Variants in PMPCB observed in about 807,000 individuals in gnomAD.
PMPCB encodes mitochondrial-processing peptidase subunit beta.
In PMPCB, 46 loss-of-function variants were observed where a neutral mutation model predicts 61.5. The ratio of observed to expected loss-of-function variants is 0.75; its 90% CI spans 0.59 to 0.96. The LOEUF (loss-of-function observed/expected upper bound fraction) is 0.96. Ranked by LOEUF, PMPCB falls within the 40% of genes least tolerant of loss-of-function variation. The probability of loss-of-function intolerance (pLI) is 0.00; values close to 1 mark genes in which losing one functional copy is unlikely to be tolerated. For synonymous variants in PMPCB, 191 were observed against 201.6 expected (o/e 0.95, Z 0.44); for missense variants, 590 against 602.4 (o/e 0.98, Z 0.22).
chr7:103,301,976 G>A (rs939350654), intron 4 of PMPCB, among the ~76,000 whole-genome samples: 4 of 151,876 alleles, frequency 2.6e-5, no homozygotes, highest in African/African-American at 7.3e-5. Context: ...GACAGGCTCC[G>A]GTGTGTGATG....
the PMPCB span, among the ~76,000 whole-genome samples, chr7:103,345,606 A>ATT: frequency 2.0e-5 from 3 of 149,792 alleles, no homozygotes; most frequent in Non-Finnish European, 3.0e-5. Flanking sequence ...TTTTAAATAT[A>ATT]TTATATATAT....
chr7:103,327,265 C>T, intron 12 of PMPCB: 1 of 856,346 alleles, frequency 1.2e-6, no homozygotes, highest in South Asian at 1.5e-5. Flanking sequence ...ACAGTTTAGT[C>T]CCATAAAGCA....
chr7:103,333,787 G>A (rs919454858), downstream of PMPCB, among the ~76,000 whole-genome samples: 11 of 152,128 alleles, frequency 7.2e-5, no homozygotes, highest in Admixed American at 5.2e-4. Flanking sequence ...CATGGTTTGA[G>A]ATTCATCCAT....
downstream of PMPCB, chr7:103,314,755 CT>C: frequency 1.6e-6 from 1 of 624,806 alleles, no homozygotes; most frequent in South Asian, 7.0e-5. Flanking sequence ...AGTCTCATAT[CT>C]TTAAGTTGAA....
At chr7:103,318,060 G>C (rs1021708313), downstream of PMPCB, among the ~76,000 whole-genome samples, 3 of 152,184 alleles carry the variant, frequency 2.0e-5, no homozygotes, top group African/African-American at 7.2e-5. Context: ...GTTAATCAAA[G>C]ATTTGCAGTA....
At position 103,312,585 on chromosome 7, in the gene PMPCB, C is replaced by T; in HGVS notation, c.*314C>T. On this transcript the variant is annotated 3_prime_UTR_variant, in exon 13 of 13. Coordinates refer to ENST00000249269, the MANE Select transcript of PMPCB (RefSeq NM_004279.3). Reference sequence around the variant, plus strand: ...CAAAGATTGTCATTTCTTGGCTCTACTTGCATTCAGCACTTGTTCTTGAGC... The same window carrying T: ...CAAAGATTGTCATTTCTTGGCTCTATTTGCATTCAGCACTTGTTCTTGAGC... 6.2e-7 allele frequency: 1 copy of T among 1,613,186 alleles called. No individual in the cohort carries two copies. Among genetic ancestry groups the T allele is most frequent in the Non-Finnish European group, 8.5e-7 (1 of 1,179,698 alleles).
downstream of PMPCB, among the ~76,000 whole-genome samples, chr7:103,333,814 G>A (rs558882486): frequency 2.6e-5 from 4 of 152,218 alleles, no homozygotes; most frequent in African/African-American, 9.6e-5. Flanking sequence ...CTGTGTATTG[G>A]CAATTTGTTC....
chr7:103,306,674 C>T (rs1273974371), intron 6 of PMPCB, among the ~76,000 whole-genome samples: 1 of 152,038 alleles, frequency 6.6e-6, no homozygotes, highest in African/African-American at 2.4e-5. Context: ...CGTGAGCCAC[C>T]ACACCAGGCC....
At chr7:103,342,703 G>C in the PMPCB span, among the ~76,000 whole-genome samples, 8 of 151,854 alleles carry the variant, frequency 5.3e-5, no homozygotes, top group East Asian at 1.4e-3. Flanking sequence ...CCGCCTCCCG[G>C]GTTCAAGCGA....
At chr7:103,328,528 G>T (rs1357262936) in intron 12 of PMPCB, among the ~76,000 whole-genome samples, 2 of 152,052 alleles carry the variant, frequency 1.3e-5, no homozygotes, top group Non-Finnish European at 2.9e-5. Flanking sequence ...CTACTCAGGT[G>T]GCTCAGACAT....
intron 12 of PMPCB, among the ~76,000 whole-genome samples, chr7:103,323,974 A>G (rs576251060): frequency 3.9e-5 from 6 of 152,318 alleles, no homozygotes; most frequent in Admixed American, 3.9e-4. Context: ...AGGTAACCCT[A>G]GTAGTGGTTA....
At chr7:103,322,648 G>T in intron 12 of PMPCB, 1 of 1,612,998 alleles carries the variant, frequency 6.2e-7, no homozygotes, top group Non-Finnish European at 8.5e-7. Context: ...AAAAGAAAAA[G>T]TTAATCTCAT....
In PMPCB at chr7:103,309,114, A is replaced by C. The variant is rs535905489; in HGVS notation, c.993+19A>C. ...AGGAATGGTAAGTGATTTTAAAAGA[A>C]ATTTTCCATAACAGATGGAAGATTA... On this transcript the variant is annotated intron_variant, in intron 8 of 12. Coordinates refer to ENST00000249269, the MANE Select transcript of PMPCB (RefSeq NM_004279.3). 6.4e-7 allele frequency: 1 copy of C among 1,572,850 alleles called. No homozygotes were observed. The highest frequency in any genetic ancestry group is 1.2e-5 in the South Asian group (1 of 85,014).
At position 103,313,928 on chromosome 7, in the gene PMPCB, T is replaced by C; in HGVS notation, c.*1657T>C. 1 of 985,436 alleles carries C rather than the reference T, an allele frequency of 1.0e-6. No individual in the cohort carries two copies. The highest frequency in any genetic ancestry group is 1.2e-6 in the Non-Finnish European group (1 of 829,928). 61.0% of individuals were successfully genotyped at this position (985,436 alleles called of 1,614,324 possible). A position where few individuals can be genotyped will look rare whatever the true frequency, so the allele number is the denominator to read the frequency against. ...ACTATGCAGTGACAACACAGACTAATACTACCAGTAGCCTGACTACTACTA... is the reference window on the plus strand; with the variant it reads ...ACTATGCAGTGACAACACAGACTAACACTACCAGTAGCCTGACTACTACTA... On this transcript the variant is annotated 3_prime_UTR_variant, in exon 13 of 13. Transcript: ENST00000249269.
At chr7:103,346,801 C>A in the PMPCB span, among the ~76,000 whole-genome samples, 4 of 148,764 alleles carry the variant, frequency 2.7e-5, no homozygotes, top group African/African-American at 9.9e-5. Context: ...AATTTCATTC[C>A]TTTTTAAGGC....
chr7:103,319,993 C>G, intron 12 of PMPCB: 1 of 717,294 alleles, frequency 1.4e-6, no homozygotes, highest in South Asian at 1.7e-5. Flanking sequence ...GAGATCACGC[C>G]ACTGCACTCC....
chr7:103,336,197 T>C, the PMPCB span: 1 of 152,190 alleles, frequency 6.6e-6, no homozygotes, highest in East Asian at 1.9e-4. Context: ...AACAGAAGCA[T>C]ATGAATGCTT....
chr7:103,302,336 G>A (rs1449875691), intron 4 of PMPCB, among the ~76,000 whole-genome samples: 1 of 152,100 alleles, frequency 6.6e-6, no homozygotes, highest in Non-Finnish European at 1.5e-5. Flanking sequence ...ATACTTGTAA[G>A]TTAAATACAT....
At chr7:103,347,350 G>A in the PMPCB span, among the ~76,000 whole-genome samples, 4 of 152,074 alleles carry the variant, frequency 2.6e-5, no homozygotes, top group South Asian at 2.1e-4. Context: ...CAGGTTATTT[G>A]CCCACTTAAA....
Sources: gnomAD v4.1 joint callset for allele counts (sites outside exome capture counted in the v4.1 genomes callset) on GRCh38, gnomAD v4.1.1 for gene constraint, MANE v1.5 for transcripts, NCBI Gene and HGNC (gene_info 2026-07-23, HGNC 2026-07-21) for gene names.